The following VWC2 variants were observed in gnomAD, a reference collection of about 807,000 sequenced individuals.
The protein encoded by VWC2 is von Willebrand factor C domain containing 2.
A neutral mutation model predicts 29.8 loss-of-function variants in VWC2; 14 were observed. That is an observed-to-expected ratio of 0.47 (90% confidence interval 0.31 to 0.74). The LOEUF is 0.74. VWC2 is among the 30% of genes least tolerant of loss of function. The probability of loss-of-function intolerance (pLI) is 0.05; values close to 1 mark genes in which losing one functional copy is unlikely to be tolerated. For synonymous variants in VWC2, 213 were observed against 199.0 expected (o/e 1.07, Z -0.59); for missense variants, 457 against 459.8 (o/e 0.99, Z 0.05).
chr7:49,906,632 A>G (rs1322603808), intron 3 of VWC2, among the ~76,000 whole-genome samples: 1 of 152,212 alleles, frequency 6.6e-6, no homozygotes, highest in East Asian at 1.9e-4. Flanking sequence ...CACCGCACCC[A>G]GCCAACTGTC....
intron 2 of VWC2, among the ~76,000 whole-genome samples, chr7:49,799,832 T>TA (rs1479111876): frequency 6.6e-6 from 1 of 152,230 alleles, no homozygotes; most frequent in Non-Finnish European, 1.5e-5. Context: ...TTATATGGTA[T>TA]AGCCTATTGC....
chr7:49,776,244 G>A, intron 2 of VWC2, 113 bp downstream of exon 2: 1 of 931,466 alleles, frequency 1.1e-6, no homozygotes, highest in South Asian at 1.7e-5. Flanking sequence ...TCTGAGAGGT[G>A]GAGAGCACTG....
At chr7:49,824,353 A>T (rs1025233820) in intron 3 of VWC2, among the ~76,000 whole-genome samples, 3 of 152,174 alleles carry the variant, frequency 2.0e-5, no homozygotes, top group African/African-American at 7.2e-5. Context: ...CTATTGAATT[A>T]TCTTGACTTC....
intron 3 of VWC2, among the ~76,000 whole-genome samples, chr7:49,815,318 G>GT (rs1562716080): frequency 6.6e-6 from 1 of 152,160 alleles, no homozygotes; most frequent in Non-Finnish European, 1.5e-5. Context: ...GCATCACAAT[G>GT]TATATGGCCT....
At chr7:49,891,541 A>G (rs1792128285) in intron 3 of VWC2, among the ~76,000 whole-genome samples, 1 of 152,240 alleles carries the variant, frequency 6.6e-6, no homozygotes, top group African/African-American at 2.4e-5. Context: ...ACAATCAGTC[A>G]TCAAGGAAAT....
At chr7:49,848,860 A>T (rs1285368411) in intron 3 of VWC2, among the ~76,000 whole-genome samples, 1 of 152,238 alleles carries the variant, frequency 6.6e-6, no homozygotes, top group East Asian at 1.9e-4. Flanking sequence ...ATTGTGTCTA[A>T]TTCAGTAGAC....
chr7:49,905,794 A>G (rs1219193510), intron 3 of VWC2, among the ~76,000 whole-genome samples: 3 of 152,208 alleles, frequency 2.0e-5, no homozygotes, highest in African/African-American at 4.8e-5. Flanking sequence ...CTCAAGAAAC[A>G]GGTCATAAAG....
intron 3 of VWC2, among the ~76,000 whole-genome samples, chr7:49,848,477 C>T (rs891044345): frequency 2.6e-5 from 4 of 152,224 alleles, no homozygotes; most frequent in South Asian, 2.1e-4. Context: ...TGCCCAGGGT[C>T]GGCTGTGGGC....
chr7:49,802,960 AC>A (rs1788778234), intron 3 of VWC2, 120 bp downstream of exon 3: 1 of 1,273,368 alleles, frequency 7.9e-7, no homozygotes, highest in Non-Finnish European at 1.1e-6. Flanking sequence ...GTATCAATAC[AC>A]ATGCGTACAC....
chr7:49,896,881 ATTTTTTTTTT>A (rs36066373), intron 3 of VWC2, among the ~76,000 whole-genome samples: 2 of 95,054 alleles, frequency 2.1e-5, no homozygotes, highest in Non-Finnish European at 4.2e-5. Context: ...TGGATTGATA[ATTTTTTTTTT>A]TTTTTTTTTT....
At chr7:49,889,189 C>A (rs1792027193) in intron 3 of VWC2, among the ~76,000 whole-genome samples, 3 of 152,178 alleles carry the variant, frequency 2.0e-5, no homozygotes, top group African/African-American at 7.2e-5. Context: ...ACATCACAAA[C>A]AAGCTGATGT....
At chr7:49,815,889 G>T (rs1562716292) in intron 3 of VWC2, among the ~76,000 whole-genome samples, 1 of 152,058 alleles carries the variant, frequency 6.6e-6, no homozygotes, top group Non-Finnish European at 1.5e-5. Flanking sequence ...CGCCACAAAA[G>T]AAAAAATGGC....
chr7:49,880,737 C>T (rs1166181163), intron 3 of VWC2, among the ~76,000 whole-genome samples: 6 of 151,890 alleles, frequency 4.0e-5, no homozygotes, highest in African/African-American at 1.5e-4. Flanking sequence ...ATGTAAATGA[C>T]GAGTTAACGG....
At chr7:49,851,535 G>C (rs534623020) in intron 3 of VWC2, among the ~76,000 whole-genome samples, 1 of 152,336 alleles carries the variant, frequency 6.6e-6, no homozygotes, top group Admixed American at 6.5e-5. Flanking sequence ...AGTGAACAGA[G>C]TCCAGGCTCT....
chr7:49,877,481 A>AAAAAAAATAC, intron 3 of VWC2, among the ~76,000 whole-genome samples: 1 of 12,722 alleles, frequency 7.9e-5, no homozygotes, highest in Non-Finnish European at 1.4e-4. Context: ...AAAAAAAAAA[A>AAAAAAAATAC]ATATATATAT....
intron 3 of VWC2, among the ~76,000 whole-genome samples, chr7:49,806,654 A>G (rs906629629): frequency 7.2e-5 from 11 of 152,152 alleles, no homozygotes; most frequent in African/African-American, 1.7e-4. Context: ...TTGTTTTCCT[A>G]TGTATTTCAT....
intron 3 of VWC2, among the ~76,000 whole-genome samples, chr7:49,856,655 CA>C (rs143248903): frequency 0.012 from 1,832 of 152,214 alleles, 17 homozygotes; most frequent in Non-Finnish European, 0.018. Context: ...TTACCATCAC[CA>C]CAGTCCAGGT....
rs1437063765 is a variant in VWC2, at chr7:49,920,582, G to A, written c.*8397G>A. 6.6e-6 allele frequency: 1 copy of A among 152,220 alleles called. No individual in the cohort carries two copies. The highest frequency in any genetic ancestry group is 6.5e-5 in the Admixed American group (1 of 15,280). 9.4% of individuals were successfully genotyped at this position (152,220 alleles called of 1,614,324 possible). A position where few individuals can be genotyped will look rare whatever the true frequency, so the allele number is the denominator to read the frequency against. On this transcript the variant is annotated 3_prime_UTR_variant, in exon 4 of 4. Transcript: ENST00000340652. ...AGTGAAGGATGTAAGGGAACAGAGA[G>A]AGACTCTGCTTGGCCGAGTTTGCTA... is the stretch of plus-strand genomic sequence containing the variant.
At chr7:49,807,248 T>C (rs1286478592) in intron 3 of VWC2, among the ~76,000 whole-genome samples, 1 of 152,182 alleles carries the variant, frequency 6.6e-6, no homozygotes. Flanking sequence ...CAGTACAAAA[T>C]TCTAGCCAAA....
Sources: allele counts gnomAD v4.1 joint callset (sites outside exome capture counted in the v4.1 genomes callset), GRCh38; gene constraint gnomAD v4.1.1; transcripts MANE v1.5; gene names NCBI Gene and HGNC (gene_info 2026-07-23, HGNC 2026-07-21).